The following KNDC1 variants were observed in gnomAD, a reference collection of about 807,000 sequenced individuals.
KNDC1 encodes kinase non-catalytic C-lobe domain containing 1, also known as kinase non-catalytic C-lobe domain-containing protein 1.
KNDC1 carries 106 observed loss-of-function variants against 172.8 expected under a neutral mutation model. The ratio of observed to expected loss-of-function variants is 0.61; its 90% CI spans 0.52 to 0.72. The LOEUF is 0.72. Ranked by LOEUF, KNDC1 falls within the 30% of genes least tolerant of loss-of-function variation. The pLI is 0.00. For synonymous variants in KNDC1, 1,083 were observed against 1,062.2 expected, an observed-to-expected ratio of 1.02 and a Z score of -0.38; for missense variants, 2,325 against 2,394.5, an observed-to-expected ratio of 0.97 and a Z score of 0.61.
intron 5 of KNDC1, among the ~76,000 whole-genome samples, chr10:133,185,696 A>T (rs11595788): frequency 0.79 from 119,038 of 149,970 alleles, 47,670 homozygotes; most frequent in Middle Eastern, 0.89. Flanking sequence ...GAAGCCCCAG[A>T]GGGAAGCCCC....
chr10:133,217,358 T>A (rs1203571598), intron 26 of KNDC1, among the ~76,000 whole-genome samples: 2 of 152,240 alleles, frequency 1.3e-5, no homozygotes, highest in Admixed American at 1.3e-4. Context: ...GCAAGAGGGC[T>A]GGGGCCGCAG....
At chr10:133,203,725 C>T (rs903581455) in intron 17 of KNDC1, among the ~76,000 whole-genome samples, 3 of 152,250 alleles carry the variant, frequency 2.0e-5, no homozygotes, top group African/African-American at 7.2e-5. Context: ...TCTGTCTGCA[C>T]CGGTGAAGCC....
chr10:133,165,091 G>T (rs1240392253), intron 1 of KNDC1, among the ~76,000 whole-genome samples: 1 of 152,216 alleles, frequency 6.6e-6, no homozygotes, highest in Non-Finnish European at 1.5e-5. Context: ...CCGGGCTCAG[G>T]ACCCTGTGTG....
chr10:133,204,659 C>G (rs1179271932), intron 17 of KNDC1, among the ~76,000 whole-genome samples: 1 of 152,248 alleles, frequency 6.6e-6, no homozygotes, highest in Non-Finnish European at 1.5e-5. Flanking sequence ...GAAATGTCGC[C>G]TGCATTTTTT....
At chr10:133,183,299 C>G in intron 3 of KNDC1, 45 bp from the exon 4 acceptor site, 2 of 1,530,948 alleles carry the variant, frequency 1.3e-6, no homozygotes, top group African/African-American at 2.8e-5. Context: ...GTCGGGGTGG[C>G]GCACACGCAG....
chr10:133,201,644 G>A lies in KNDC1; in HGVS notation c.3133G>A (p.Ala1045Thr), dbSNP rs1256941914. The A allele has an allele frequency of 1.2e-6, 2 of 1,612,966 alleles. No individual in the cohort carries two copies. Among genetic ancestry groups the A allele is most frequent in the South Asian group, 1.1e-5 (1 of 91,090 alleles). ...RPQRSVKAER[A>T]QQPEAGEDRR... ...TCAGAGGTCCGTAAAAGCCGAGAGA[G>A]CGCAGCAGCCTGAGGCTGGCGAGGA... The change falls in exon 17 of 30, where the codon GCG becomes ACG. Residue 1045 changes from alanine (A) to threonine (T), a missense_variant. Physicochemically the swap from Ala to Thr is moderately conservative, Grantham distance 58. Coordinates refer to ENST00000304613, the MANE Select transcript of KNDC1 (RefSeq NM_152643.8).
intron 14 of KNDC1, 35 bp downstream of exon 14, chr10:133,199,301 C>T (rs762743226): frequency 9.7e-6 from 15 of 1,539,698 alleles, no homozygotes; most frequent in East Asian, 9.1e-5. Context: ...AGAGGAGGCC[C>T]GGGCCAGGGA....
chr10:133,224,609 C>A lies in KNDC1; in HGVS notation c.5019-50C>A. The A allele has an allele frequency of 2.1e-6, 3 of 1,409,656 alleles. No homozygotes were observed. Among genetic ancestry groups the A allele is most frequent in the South Asian group, 1.2e-5 (1 of 81,352 alleles). The allele number at this position is 1,409,656 out of a possible 1,614,324, so 87.3% of individuals were successfully genotyped here. A position where few individuals can be genotyped will look rare whatever the true frequency, so the allele number is the denominator to read the frequency against. ...CGGGGGGACTCCCTCCCCACGGAAG[C>A]CGCGCCCCTGCCCTGTGCAAACTAA... On this transcript the variant is annotated intron_variant, in intron 29 of 29. Coordinates refer to ENST00000304613, the MANE Select transcript of KNDC1 (RefSeq NM_152643.8). This position sits in a 1 kb window ranked among gnomAD's most constrained non-coding sequence, Gnocchi z 5.4.
rs549677535 is a variant in KNDC1, at chr10:133,182,748, G to A, written c.361-596G>A. On this transcript the variant is annotated intron_variant, in intron 3 of 29. Coordinates refer to ENST00000304613, the MANE Select transcript of KNDC1 (RefSeq NM_152643.8). ...TGACCTAAACACTGAAAGGCCAGAG[G>A]AGTCTGTGTCCCTCCAGAAAGCGCA... Among the ~76,000 whole-genome samples, 476 of 152,392 alleles carry A rather than the reference G, an allele frequency of 3.1e-3. 2 individuals are homozygous for A. The highest frequency in any genetic ancestry group is 4.4e-3 in the Non-Finnish European group (299 of 68,034).
At chr10:133,195,842 G>A in intron 10 of KNDC1, 21 bp downstream of exon 10, 1 of 1,521,990 alleles carries the variant, frequency 6.6e-7, no homozygotes, top group Non-Finnish European at 8.8e-7. Context: ...CACAGTCATG[G>A]CCCCAGCCCA....
intron 26 of KNDC1, among the ~76,000 whole-genome samples, chr10:133,215,762 T>G (rs528179087): frequency 1.0e-3 from 153 of 152,058 alleles, no homozygotes; most frequent in African/African-American, 3.7e-3. Context: ...TGCCTGAGGG[T>G]CTCCGGGATG....
rs12261427 is a variant in KNDC1 at position 133,167,677 on chromosome 10, G to C, written c.301+98G>C. ...ACTGGCTCTGCCGGAGCAGATGCTG[G>C]GAGCATGCCCGGACCCGGGTTTCCT... is the stretch of plus-strand genomic sequence containing the variant. On this transcript the variant is annotated intron_variant, in intron 2 of 29. Transcript: ENST00000304613. 2,309 of 1,324,634 alleles carry C rather than the reference G, an allele frequency of 1.7e-3. 37 individuals carry two copies. The African/African-American group carries it at 0.03, about 17-fold the overall frequency. 82.1% of individuals were successfully genotyped at this position (1,324,634 alleles called of 1,614,324 possible).
chr10:133,202,212 T>C (rs986209673), intron 17 of KNDC1: 9 of 643,104 alleles, frequency 1.4e-5, no homozygotes, highest in Non-Finnish European at 2.6e-5. Flanking sequence ...GTGACCAGGT[T>C]GCGTTCGGTC....
At chr10:133,188,194 C>T (rs1470369011) in intron 6 of KNDC1, among the ~76,000 whole-genome samples, 6 of 152,184 alleles carry the variant, frequency 3.9e-5, no homozygotes, top group Admixed American at 3.3e-4. Flanking sequence ...TGGGTGTGCA[C>T]GTATGCGTGA....
At chr10:133,184,127 C>T in intron 5 of KNDC1, 138 bp downstream of exon 5, 3 of 501,102 alleles carry the variant, frequency 6.0e-6, no homozygotes, top group East Asian at 3.1e-5. Context: ...CACACCCATG[C>T]ACACACATGC....
intron 5 of KNDC1, 91 bp downstream of exon 5, chr10:133,184,080 G>T: frequency 1.5e-6 from 1 of 654,596 alleles, no homozygotes. Context: ...ACACACCCAT[G>T]CACACACACA....
At position 133,195,744 on chromosome 10, in the gene KNDC1, C is replaced by T. The variant is rs368205705; in HGVS notation, c.1657C>T (p.Arg553Cys). ...VPRNHKLALPRRLKTLLLDMA... is the reference protein window; with the variant it reads ...VPRNHKLALPCRLKTLLLDMA... ...CCGCAACCACAAGCTGGCCCTGCCA[C>T]GCAGGCTCAAGACCCTCCTCCTGGA... The change falls in exon 10 of 30, where the codon CGC (arginine) becomes TGC (cysteine). Residue 553 changes from arginine to cysteine, a missense_variant. Physicochemically the swap from Arg to Cys is radical, Grantham distance 180. Transcript: ENST00000304613. 4.4e-5 allele frequency: 71 copies of T among 1,611,510 alleles called. No homozygotes were observed. Among genetic ancestry groups the T allele is most frequent in the South Asian group, 1.1e-4 (10 of 90,648 alleles).
chr10:133,221,032 T>C (rs766892489), intron 29 of KNDC1, among the ~76,000 whole-genome samples: 2 of 152,094 alleles, frequency 1.3e-5, no homozygotes, highest in Non-Finnish European at 2.9e-5. Context: ...GAGCATTTCC[T>C]GCACTTCTGC....
chr10:133,219,882 C>G (rs1249071437), intron 28 of KNDC1, 73 bp from the exon 29 acceptor site: 1 of 1,442,020 alleles, frequency 6.9e-7, no homozygotes, highest in East Asian at 2.5e-5. Flanking sequence ...TTGGGCTGCG[C>G]TGGCCCCGGC....
Sources: gnomAD v4.1 joint callset for allele counts (sites outside exome capture counted in the v4.1 genomes callset) on GRCh38, gnomAD v4.1.1 for gene constraint, Gnocchi (gnomAD v3.1) non-coding constraint, MANE v1.5 for transcripts, NCBI Gene and HGNC (gene_info 2026-07-23, HGNC 2026-07-21) for gene names.